The following CADPS2 variants were observed in gnomAD, a reference collection of about 807,000 sequenced individuals.
CADPS2 encodes the protein calcium dependent secretion activator 2, also known as calcium-dependent secretion activator 2.
A neutral mutation model predicts 172.5 loss-of-function variants in CADPS2; 93 were observed. The ratio of observed to expected loss-of-function variants is 0.54; its 90% CI spans 0.46 to 0.64. CADPS2 has a LOEUF of 0.64. Among genes scored for constraint, CADPS2 ranks in the 30% least tolerant of loss-of-function variants. The pLI, the probability that CADPS2 is intolerant of heterozygous loss-of-function variation, is 0.00. For missense variants in CADPS2, 1,420 were observed against 1,565.9 expected (o/e 0.91, Z 1.57); for synonymous variants, 546 against 555.2 (o/e 0.98, Z 0.23).
chr7:122,588,910 A>G (rs961780952), intron 6 of CADPS2, among the ~76,000 whole-genome samples: 2 of 152,000 alleles, frequency 1.3e-5, no homozygotes, highest in African/African-American at 4.8e-5. Context: ...AGTTGATCAG[A>G]AAGGCCTGAT....
At chr7:122,697,614 A>C in intron 2 of CADPS2, 1 of 559,636 alleles carries the variant, frequency 1.8e-6, no homozygotes, top group Non-Finnish European at 3.0e-6. Context: ...AATTGCACAA[A>C]AAAAATCCCG....
At chr7:122,369,124 GTT>G (rs200087198) in intron 25 of CADPS2, among the ~76,000 whole-genome samples, 1 of 34,560 alleles carries the variant, frequency 2.9e-5, no homozygotes, top group Non-Finnish European at 5.1e-5. Flanking sequence ...AAGAATTTTT[GTT>G]TCCCCCCCCC....
At chr7:122,766,978 T>C (rs1030045390) in intron 1 of CADPS2, among the ~76,000 whole-genome samples, 4 of 152,118 alleles carry the variant, frequency 2.6e-5, no homozygotes, top group Admixed American at 1.3e-4. Context: ...TGAATACATA[T>C]AAAGAACAAA....
intron 1 of CADPS2, among the ~76,000 whole-genome samples, chr7:122,783,391 T>C (rs533122528): frequency 1.4e-4 from 21 of 152,152 alleles, no homozygotes; most frequent in Non-Finnish European, 2.5e-4. Flanking sequence ...CTTTTCCTTA[T>C]GTTTGAGGGG....
intron 7 of CADPS2, among the ~76,000 whole-genome samples, chr7:122,567,088 T>C (rs1344613669): frequency 6.7e-6 from 1 of 148,746 alleles, no homozygotes; most frequent in Non-Finnish European, 1.5e-5. Context: ...CCTTTTAAAC[T>C]CCAAATTCTA....
chr7:122,613,587 T>C (rs574015974), intron 6 of CADPS2, among the ~76,000 whole-genome samples: 18 of 152,140 alleles, frequency 1.2e-4, no homozygotes, highest in African/African-American at 3.9e-4. Flanking sequence ...ATACGAAATG[T>C]CCAGAATAGA....
chr7:122,722,571 T>C (rs1345033771), intron 2 of CADPS2, among the ~76,000 whole-genome samples: 1 of 150,260 alleles, frequency 6.7e-6, no homozygotes, highest in East Asian at 2.0e-4. Flanking sequence ...GAACATTCCA[T>C]GCTCATTGAT....
rs1588229682 is a variant in CADPS2, at chr7:122,663,549, T to C, written c.474A>G (p.Arg158=). The change falls in exon 3 of 30, where the codon CGA becomes CGG. Residue 158 remains arginine, a synonymous_variant. Coordinates refer to ENST00000449022, the MANE Select transcript of CADPS2 (RefSeq NM_017954.11). ...CTCCACTCTGTACCATTCTGGCCAC[T>C]CGGTCACTCTTTAGAAAAACCTGAA... ...SYYEVFLKSD[R]VARMVQSGGC... is the part of the protein sequence containing the mutation. 2 of 1,584,292 alleles carry C rather than the reference T, an allele frequency of 1.3e-6. No individual in the cohort carries two copies. Among genetic ancestry groups the C allele is most frequent in the Non-Finnish European group, 1.7e-6 (2 of 1,163,688 alleles).
chr7:122,831,294 ATGAC>A (rs1311514704), intron 1 of CADPS2, among the ~76,000 whole-genome samples: 1 of 152,188 alleles, frequency 6.6e-6, no homozygotes, highest in South Asian at 2.1e-4. Context: ...AAGCAACAAA[ATGAC>A]TGTTCATTAC....
intron 3 of CADPS2, among the ~76,000 whole-genome samples, chr7:122,655,222 T>C (rs2079602914): frequency 1.3e-5 from 2 of 152,218 alleles, no homozygotes; most frequent in African/African-American, 4.8e-5. Flanking sequence ...ACGTAGCTGA[T>C]AAAGCAGTGG....
intron 1 of CADPS2, among the ~76,000 whole-genome samples, chr7:122,776,959 T>C (rs1371795505): frequency 2.6e-5 from 4 of 152,122 alleles, no homozygotes; most frequent in East Asian, 1.9e-4. Flanking sequence ...GAGACCATCC[T>C]GGGCAATATA....
chr7:122,642,426 C>T (rs903325997), intron 3 of CADPS2, among the ~76,000 whole-genome samples: 9 of 152,122 alleles, frequency 5.9e-5, no homozygotes, highest in Admixed American at 2.0e-4. Flanking sequence ...TCTTCGAGAT[C>T]AGCAAATCTC....
At chr7:122,405,418 T>G (rs971379714) in intron 20 of CADPS2, among the ~76,000 whole-genome samples, 5 of 152,268 alleles carry the variant, frequency 3.3e-5, no homozygotes, top group African/African-American at 1.2e-4. Context: ...ATCCCAGCAC[T>G]TTGGGAGGCT....
intron 7 of CADPS2, among the ~76,000 whole-genome samples, chr7:122,572,251 T>C (rs2067366288): frequency 6.6e-6 from 1 of 152,170 alleles, no homozygotes; most frequent in South Asian, 2.1e-4. Flanking sequence ...ACTCTTCATA[T>C]ATAGGAGACT....
chr7:122,849,693 G>T (rs186160976), intron 1 of CADPS2: 91 of 336,148 alleles, frequency 2.7e-4, no homozygotes, highest in Admixed American at 6.2e-4. Flanking sequence ...TTGGGTCTTT[G>T]CATTCAAGGA....
intron 6 of CADPS2, among the ~76,000 whole-genome samples, chr7:122,584,803 C>A (rs1045886124): frequency 6.6e-6 from 1 of 151,894 alleles, no homozygotes; most frequent in Non-Finnish European, 1.5e-5. Flanking sequence ...CTATATATAT[C>A]TTTTCCTTTT....
chr7:122,440,369 A>T (rs1332987446), intron 16 of CADPS2: 2 of 152,150 alleles, frequency 1.3e-5, no homozygotes, highest in African/African-American at 4.8e-5. Context: ...ATCCTTAAGG[A>T]TTTTTATTCA....
chr7:122,494,107 T>C (rs1586611593), intron 9 of CADPS2, among the ~76,000 whole-genome samples: 1 of 152,158 alleles, frequency 6.6e-6, no homozygotes, highest in African/African-American at 2.4e-5. Context: ...GTGGGTCTCA[T>C]ATAAGCAGCT....
intron 28 of CADPS2, chr7:122,328,452 C>A (rs1334027323): frequency 6.6e-6 from 1 of 152,126 alleles, no homozygotes; most frequent in Non-Finnish European, 1.5e-5. Context: ...CTTGGTTGAC[C>A]ATTCACTTTT....
Sources: allele counts gnomAD v4.1 joint callset (sites outside exome capture counted in the v4.1 genomes callset), GRCh38; gene constraint gnomAD v4.1.1; transcripts MANE v1.5; gene names NCBI Gene and HGNC (gene_info 2026-07-23, HGNC 2026-07-21).